Variants in ZC3H12A observed in about 807,000 individuals in gnomAD.
ZC3H12A encodes the protein zinc finger CCCH-type containing 12A, also known as endoribonuclease ZC3H12A.
A neutral mutation model predicts 29.9 loss-of-function variants in ZC3H12A; 9 were observed. That is an observed-to-expected ratio of 0.30 (90% CI 0.18 to 0.53). ZC3H12A has a LOEUF of 0.53. Ranked by LOEUF, ZC3H12A falls within the 20% of genes least tolerant of loss-of-function variation. The pLI, the probability that ZC3H12A is intolerant of heterozygous loss-of-function variation, is 0.96. For missense variants in ZC3H12A, 617 were observed against 799.0 expected, an observed-to-expected ratio of 0.77 and a Z score of 2.75; for synonymous variants, 323 against 338.1, an observed-to-expected ratio of 0.96 and a Z score of 0.49.
Position 37,479,353 on chromosome 1 carries a change from C to G in ZC3H12A, c.444-937C>G, listed in dbSNP as rs1641652793. ...TGACCCCTCTTAAGGAAGCTGCAGA[C>G]TGCTGGGCCCATTTTCAGATAGAGG... is the stretch of plus-strand genomic sequence containing the variant. On this transcript the variant is annotated intron_variant, in intron 2 of 5. Transcript: ENST00000373087. The surrounding 1 kb of genome is among the most constrained non-coding windows in gnomAD (Gnocchi z 4.5). 1 of 985,314 alleles carries G rather than the reference C, an allele frequency of 1.0e-6. No homozygotes were observed. The highest frequency in any genetic ancestry group is 4.7e-5 in the South Asian group (1 of 21,296). The allele number at this position is 985,314 out of a possible 1,614,324, so 61.0% of individuals were successfully genotyped here.
At chr1:37,480,457 G>A in intron 3 of ZC3H12A, 28 bp downstream of exon 3, 1 of 1,601,002 alleles carries the variant, frequency 6.2e-7, no homozygotes, top group South Asian at 1.1e-5. Context: ...AGGTGGGATG[G>A]TCTTACTGCC....
Position 37,483,641 on chromosome 1 carries a change from C to A in ZC3H12A, c.*30C>A, listed in dbSNP as rs574631504. On this transcript the variant is annotated 3_prime_UTR_variant, in exon 6 of 6. Transcript: ENST00000373087. ...CCTGTGGCTGGCAAGGGCAGCACCC[C>A]CAGCCTCCAAGGGCCGTCAGGCTGG... The A allele has an allele frequency of 1.3e-6, 2 of 1,555,792 alleles. No homozygotes were observed. Among genetic ancestry groups the A allele is most frequent in the Admixed American group, 3.7e-5 (2 of 53,342 alleles).
Position 37,479,451 on chromosome 1 carries a change from G to C in ZC3H12A, c.444-839G>C, listed in dbSNP as rs556603815. ...GTGCAGCCACCTGTGGGTGGGGCGCGGCCTCGTCTGAGACCAAGGCAGGGC... is the reference window on the plus strand; with the variant it reads ...GTGCAGCCACCTGTGGGTGGGGCGCCGCCTCGTCTGAGACCAAGGCAGGGC... On this transcript the variant is annotated intron_variant, in intron 2 of 5. Coordinates refer to ENST00000373087, the MANE Select transcript of ZC3H12A (RefSeq NM_025079.3). The surrounding 1 kb of genome is among the most constrained non-coding windows in gnomAD (Gnocchi z 4.5). 5 of 985,318 alleles carry C rather than the reference G, an allele frequency of 5.1e-6. No individual in the cohort carries two copies. Among genetic ancestry groups the C allele is most frequent in the Non-Finnish European group, 6.0e-6 (5 of 829,948 alleles). The allele number at this position is 985,318 out of a possible 1,614,324, so 61.0% of individuals were successfully genotyped here.
intron 4 of ZC3H12A, 70 bp downstream of exon 4, chr1:37,481,905 G>A (rs1276615591): frequency 2.0e-6 from 3 of 1,492,638 alleles, no homozygotes; most frequent in Non-Finnish European, 1.8e-6. Flanking sequence ...CCTTGGCAAG[G>A]GTGGAGCTGG....
chr1:37,479,904 G>C lies in ZC3H12A; in HGVS notation c.444-386G>C. 1 of 1,012,182 alleles carries C rather than the reference G, an allele frequency of 9.9e-7. No individual in the cohort carries two copies. Among genetic ancestry groups the C allele is most frequent in the East Asian group, 9.7e-5 (1 of 10,324 alleles). The allele number at this position is 1,012,182 out of a possible 1,614,324, so 62.7% of individuals were successfully genotyped here. A position where few individuals can be genotyped will look rare whatever the true frequency, so the allele number is the denominator to read the frequency against. On this transcript the variant is annotated intron_variant, in intron 2 of 5. Transcript: ENST00000373087. This position sits in a 1 kb window ranked among gnomAD's most constrained non-coding sequence, Gnocchi z 4.5. ...GTGGGGCAGGAACCAGAAGTCTCGCGGCACCTTTCCCCCACCCCCAGGTGT... is the reference window on the plus strand; with the variant it reads ...GTGGGGCAGGAACCAGAAGTCTCGCCGCACCTTTCCCCCACCCCCAGGTGT...
Position 37,476,257 on chromosome 1 carries a change from GGCA to G in ZC3H12A, c.443+321_443+323del, listed in dbSNP as rs771909487. ...GGGCTGTAAAGGGGACCAGCCCGTG[GGCA>G]GCTGCTCACTCACCCCTCGGAACCT... On this transcript the variant is annotated intron_variant, in intron 2 of 5. Coordinates refer to ENST00000373087, the MANE Select transcript of ZC3H12A (RefSeq NM_025079.3). This position sits in a 1 kb window ranked among gnomAD's most constrained non-coding sequence, Gnocchi z 6.0. 6.6e-6 allele frequency among the ~76,000 whole-genome samples: 1 copy of G among 152,180 alleles called. No homozygotes were observed. The highest frequency in any genetic ancestry group is 1.5e-5 in the Non-Finnish European group (1 of 68,034).
rs1446092022 is a variant in ZC3H12A at position 37,475,655 on chromosome 1, C to T, written c.159C>T (p.Asp53=). The T allele has an allele frequency of 6.2e-7, 1 of 1,614,170 alleles. No individual in the cohort carries two copies. The highest frequency in any genetic ancestry group is 8.5e-7 in the Non-Finnish European group (1 of 1,180,048). The change falls in exon 2 of 6, where the codon GAC becomes GAT. Residue 53 remains aspartate, a synonymous_variant. Transcript: ENST00000373087. This position sits in a 1 kb window ranked among gnomAD's most constrained non-coding sequence, Gnocchi z 5.2. Reference sequence around the variant, plus strand: ...CCCTGGAACTGCAGATGAAGGTGGACTTCTTCCGGAAGCTGGGCTATTCAT... The same window carrying T: ...CCCTGGAACTGCAGATGAAGGTGGATTTCTTCCGGAAGCTGGGCTATTCAT... The part of the protein sequence containing the change: ...ASALELQMKV[D]FFRKLGYSST...
chr1:37,475,395 T>TATCATTAAAAAA lies in ZC3H12A; in HGVS notation c.-38-64_-38-63insATCATTAAAAAA. The TATCATTAAAAAA allele has an allele frequency of 2.4e-6, 3 of 1,239,522 alleles. No individual in the cohort carries two copies. The highest frequency in any genetic ancestry group is 2.3e-5 in the Admixed American group (1 of 44,098). The allele number at this position is 1,239,522 out of a possible 1,614,324, so 76.8% of individuals were successfully genotyped here. The stretch of plus-strand genomic sequence containing the variant: ...CACCAATCCCTCATCCTGCTGGATG[T>TATCATTAAAAAA]GGTTTTGGGAGGGAGGTTAGGAGAG... On this transcript the variant is annotated intron_variant, in intron 1 of 5. Transcript: ENST00000373087. The surrounding 1 kb of genome is among the most constrained non-coding windows in gnomAD (Gnocchi z 5.2).
rs571607524 is a variant in ZC3H12A at position 37,476,341 on chromosome 1, G to A, written c.443+402G>A. 3.9e-5 allele frequency among the ~76,000 whole-genome samples: 6 copies of A among 152,316 alleles called. No homozygotes were observed. The highest frequency in any genetic ancestry group is 3.9e-4 in the East Asian group (2 of 5,186). On this transcript the variant is annotated intron_variant, in intron 2 of 5. Transcript: ENST00000373087. This position sits in a 1 kb window ranked among gnomAD's most constrained non-coding sequence, Gnocchi z 6.0. The stretch of plus-strand genomic sequence containing the variant: ...GTGCGGATCCCGGAGAGGAGCAAGC[G>A]TTCAGGAACCATAGTAGTGGTAGTA...
Position 37,483,162 on chromosome 1 carries a change from TG to T in ZC3H12A, c.1357del (p.Val453PhefsTer120), listed in dbSNP as rs1641749868. 1 of 1,613,350 alleles carries T rather than the reference TG, an allele frequency of 6.2e-7. No individual in the cohort carries two copies. Among genetic ancestry groups the T allele is most frequent in the Non-Finnish European group, 8.5e-7 (1 of 1,179,926 alleles). ...CCTGGAGAGCCAGATGTCGGAACTT[TG>T]GGGGGTTCGAGGAGGAGGCCCTGGT... is the stretch of plus-strand genomic sequence containing the variant. Reference protein sequence around the residue: ...GSLESQMSELWGVRGGGPGEP... With the variant: ...GSLESQMSELXGVRGGGPGEP... On this transcript the variant is annotated frameshift_variant, in exon 6 of 6. Coordinates refer to ENST00000373087, the MANE Select transcript of ZC3H12A (RefSeq NM_025079.3). LOFTEE classifies it low-confidence loss of function (END_TRUNC).
At position 37,475,848 on chromosome 1, in the gene ZC3H12A, G is replaced by T; in HGVS notation, c.352G>T (p.Ala118Ser). 1 of 1,588,590 alleles carries T rather than the reference G, an allele frequency of 6.3e-7. No homozygotes were observed. ...CCCGCGGGGTGGTGGCACCCCTAAG[G>T]CTCCCAACCTGGAGCCTCCACTCCC... Reference protein sequence around the residue: ...LVPRGGGTPKAPNLEPPLPEE... With the variant: ...LVPRGGGTPKSPNLEPPLPEE... The change falls in exon 2 of 6, where the codon GCT becomes TCT. Residue 118 changes from alanine to serine, a missense_variant. Around this residue, in one of 5 missense-constraint regions of ZC3H12A, gnomAD observed 255 missense variants for 402.5 expected, o/e 0.63. Transcript: ENST00000373087. This position sits in a 1 kb window ranked among gnomAD's most constrained non-coding sequence, Gnocchi z 5.2.
Position 37,476,045 on chromosome 1 carries a change from T to C in ZC3H12A, c.443+106T>C. 1 of 1,216,370 alleles carries C rather than the reference T, an allele frequency of 8.2e-7. No homozygotes were observed. Among genetic ancestry groups the C allele is most frequent in the Non-Finnish European group, 1.1e-6 (1 of 904,594 alleles). 75.3% of individuals were successfully genotyped at this position (1,216,370 alleles called of 1,614,324 possible). On this transcript the variant is annotated intron_variant, in intron 2 of 5. Transcript: ENST00000373087. This position sits in a 1 kb window ranked among gnomAD's most constrained non-coding sequence, Gnocchi z 6.0. ...TGCAGCTCTGGTGGGCTGGAAGAAG[T>C]GACTTCCTTCTTAGGGACTGGTCTA...
rs1641634712 is a variant in ZC3H12A at position 37,478,477 on chromosome 1, G to A, written c.444-1813G>A. Among the ~76,000 whole-genome samples the A allele has an allele frequency of 2.0e-5, 3 of 152,228 alleles. No individual in the cohort carries two copies. In the South Asian group the frequency reaches 6.2e-4, roughly 31 times the overall value. ...GACTGTCTCTTACCACTAGCCAGGT[G>A]ACCTTCCTTTCCTTCACGGTAGCAA... On this transcript the variant is annotated intron_variant, in intron 2 of 5. Coordinates refer to ENST00000373087, the MANE Select transcript of ZC3H12A (RefSeq NM_025079.3). This position sits in a 1 kb window ranked among gnomAD's most constrained non-coding sequence, Gnocchi z 5.2.
rs944317278 is a variant in ZC3H12A, at chr1:37,478,928, A to G, written c.444-1362A>G. The G allele has an allele frequency of 1.2e-5, 12 of 985,218 alleles. No individual in the cohort carries two copies. Among genetic ancestry groups the G allele is most frequent in the African/African-American group, 3.5e-5 (2 of 57,290 alleles). 61.0% of individuals were successfully genotyped at this position (985,218 alleles called of 1,614,324 possible). On this transcript the variant is annotated intron_variant, in intron 2 of 5. Coordinates refer to ENST00000373087, the MANE Select transcript of ZC3H12A (RefSeq NM_025079.3). The surrounding 1 kb of genome is among the most constrained non-coding windows in gnomAD (Gnocchi z 5.2). ...TGGGCTGGACTTTGTCTCCCCTACA[A>G]TTTAGAGACCTTCAGACCCTGGTGC...
At position 37,479,049 on chromosome 1, in the gene ZC3H12A, C is replaced by T; in HGVS notation, c.444-1241C>T. 1.0e-5 allele frequency: 10 copies of T among 985,366 alleles called. No homozygotes were observed. The highest frequency in any genetic ancestry group is 1.2e-5 in the Non-Finnish European group (10 of 829,928). The allele number at this position is 985,366 out of a possible 1,614,324, so 61.0% of individuals were successfully genotyped here. The stretch of plus-strand genomic sequence containing the variant: ...CTCCAGCTATCACCCCTTACCTCCC[C>T]CACTCCCATTAAAGACACCCACAGG... On this transcript the variant is annotated intron_variant, in intron 2 of 5. Transcript: ENST00000373087. This position sits in a 1 kb window ranked among gnomAD's most constrained non-coding sequence, Gnocchi z 4.5.
At chr1:37,477,505 CG>C (rs1641614771) in intron 2 of ZC3H12A, among the ~76,000 whole-genome samples, 2 of 152,280 alleles carry the variant, frequency 1.3e-5, no homozygotes, top group Non-Finnish European at 2.9e-5. Context: ...CAGGGGCAGG[CG>C]GGCTAGCCCC....
intron 4 of ZC3H12A, 46 bp from the exon 5 acceptor site, chr1:37,482,388 C>T (rs772419034): frequency 3.3e-5 from 50 of 1,520,110 alleles, no homozygotes; most frequent in Non-Finnish European, 4.3e-5. Context: ...AATTAGAAGT[C>T]CCTGCATGGC....
In ZC3H12A at chr1:37,478,164, G is replaced by T. The variant is rs574441853; in HGVS notation, c.444-2126G>T. ...AGGCAGGCCAGAAGGCCCAAGGAAG[G>T]GGGGTGATGTGATGGGGGAAGCACT... is the stretch of plus-strand genomic sequence containing the variant. On this transcript the variant is annotated intron_variant, in intron 2 of 5. Transcript: ENST00000373087. This position sits in a 1 kb window ranked among gnomAD's most constrained non-coding sequence, Gnocchi z 5.2. Among the ~76,000 whole-genome samples, 30 of 152,286 alleles carry T rather than the reference G, an allele frequency of 2.0e-4. No individual in the cohort carries two copies. The highest frequency in any genetic ancestry group is 6.7e-4 in the African/African-American group (28 of 41,558).
At chr1:37,481,467 GCA>G in intron 3 of ZC3H12A, 132 bp from the exon 4 acceptor site, 1 of 786,362 alleles carries the variant, frequency 1.3e-6, no homozygotes, top group African/African-American at 1.8e-5. Flanking sequence ...AGAGGCCTCA[GCA>G]GAGTTAGTTC....
Sources: gnomAD v4.1 joint callset for allele counts (sites outside exome capture counted in the v4.1 genomes callset) on GRCh38, gnomAD v4.1.1 for gene constraint, gnomAD v4.1.1 regional missense constraint, Gnocchi (gnomAD v3.1) non-coding constraint, MANE v1.5 for transcripts, NCBI Gene and HGNC (gene_info 2026-07-23, HGNC 2026-07-21) for gene names.